TNIK: variants seen among roughly 807,000 people sequenced by gnomAD.
TNIK encodes the protein TRAF2 and NCK-interacting protein kinase.
A neutral mutation model predicts 191.3 loss-of-function variants in TNIK; 49 were observed. The ratio of observed to expected loss-of-function variants is 0.26; its 90% CI spans 0.20 to 0.32. TNIK has a LOEUF of 0.32. Among genes scored for constraint, TNIK ranks in the 10% least tolerant of loss-of-function variants. The probability of loss-of-function intolerance (pLI) is 1.00; values close to 1 mark genes in which losing one functional copy is unlikely to be tolerated. For missense variants in TNIK, 1,155 were observed against 1,702.3 expected (o/e 0.68, Z 5.66); for synonymous variants, 594 against 600.9 (o/e 0.99, Z 0.17).
chr3:171,103,221 A>G (rs956456720), intron 21 of TNIK, among the ~76,000 whole-genome samples: 2 of 152,098 alleles, frequency 1.3e-5, no homozygotes, highest in African/African-American at 2.4e-5. Context: ...CACATGCCTC[A>G]ATCTCGGTGA....
intron 18 of TNIK, among the ~76,000 whole-genome samples, chr3:171,112,982 G>T (rs1726079655): frequency 6.6e-6 from 1 of 152,168 alleles, no homozygotes. Context: ...TGGGGTGTGT[G>T]CATGTGTGTG....
At chr3:171,267,079 C>T (rs1177456311) in intron 2 of TNIK, among the ~76,000 whole-genome samples, 2 of 152,174 alleles carry the variant, frequency 1.3e-5, no homozygotes, top group Non-Finnish European at 2.9e-5. Context: ...TCTTAGGATG[C>T]ATTTAACTTT....
chr3:171,255,516 T>G (rs999419508), intron 2 of TNIK, among the ~76,000 whole-genome samples: 1 of 152,208 alleles, frequency 6.6e-6, no homozygotes, highest in Non-Finnish European at 1.5e-5. Flanking sequence ...ATCAACAGAT[T>G]TTAAAGCATC....
chr3:171,078,320 C>G (rs1052887334), intron 28 of TNIK, among the ~76,000 whole-genome samples: 2 of 152,032 alleles, frequency 1.3e-5, no homozygotes, highest in African/African-American at 2.4e-5. Context: ...TTGGACTGAT[C>G]TTTTTATTTT....
In TNIK at chr3:171,389,838, C is replaced by T. The variant is rs146149396; in HGVS notation, c.58-20153G>A. ...AGCAGAGAGCATCAAGACATAAAAGCCGTTCATTATTGAAACTTTACAACA... is the reference window on the plus strand; with the variant it reads ...AGCAGAGAGCATCAAGACATAAAAGTCGTTCATTATTGAAACTTTACAACA... On this transcript the variant is annotated intron_variant, in intron 1 of 32. Transcript: ENST00000436636. Among the ~76,000 whole-genome samples, 490 of 152,288 alleles carry T rather than the reference C, an allele frequency of 3.2e-3. 4 individuals are homozygous for T. Among genetic ancestry groups the T allele is most frequent in the African/African-American group, 0.011 (470 of 41,556 alleles).
intron 1 of TNIK, among the ~76,000 whole-genome samples, chr3:171,370,510 AC>A (rs1223480205): frequency 6.6e-6 from 1 of 152,224 alleles, no homozygotes; most frequent in East Asian, 1.9e-4. Context: ...GCAGAAATTG[AC>A]TTTCACCCCT....
intron 23 of TNIK, 110 bp from the exon 24 acceptor site, chr3:171,087,616 G>T: frequency 1.8e-6 from 2 of 1,135,992 alleles, no homozygotes; most frequent in Non-Finnish European, 1.3e-6. Context: ...AACCCACTAG[G>T]GCATGAGAAG....
chr3:171,363,141 G>C (rs1344366054), intron 2 of TNIK, among the ~76,000 whole-genome samples: 2 of 152,104 alleles, frequency 1.3e-5, no homozygotes, highest in African/African-American at 2.4e-5. Flanking sequence ...ATGAGGCCAG[G>C]GAGGCTGCTA....
chr3:171,211,337 C>A, intron 3 of TNIK, 96 bp from the exon 4 acceptor site: 3 of 1,386,708 alleles, frequency 2.2e-6, no homozygotes, highest in Non-Finnish European at 2.9e-6. Flanking sequence ...CTTGTTTTTT[C>A]TTCCTTGTTG....
At chr3:171,455,492 C>T (rs7651484) in intron 1 of TNIK, among the ~76,000 whole-genome samples, 43,112 of 140,580 alleles carry the variant, frequency 0.31, 6,255 homozygotes, top group African/African-American at 0.37. Context: ...CCTCCCACTT[C>T]GGCCTCCCGA....
chr3:171,066,556 AT>A lies in TNIK; in HGVS notation c.3859+19del. ...TTGGGGGGTGTAACTGCTGAAGGAG[AT>A]AAGGAATGGTTAACCTACCCACAGA... On this transcript the variant is annotated intron_variant, in intron 31 of 32. Transcript: ENST00000436636. The A allele has an allele frequency of 6.2e-7, 1 of 1,610,060 alleles. No homozygotes were observed. The highest frequency in any genetic ancestry group is 2.2e-5 in the East Asian group (1 of 44,706).
chr3:171,278,732 C>T (rs1286709533), intron 2 of TNIK, among the ~76,000 whole-genome samples: 1 of 151,204 alleles, frequency 6.6e-6, no homozygotes, highest in Admixed American at 6.6e-5. Flanking sequence ...TAATATCAAA[C>T]AATCATACCT....
intron 12 of TNIK, among the ~76,000 whole-genome samples, chr3:171,143,550 T>C (rs565438038): frequency 6.6e-6 from 1 of 152,340 alleles, no homozygotes; most frequent in East Asian, 1.9e-4. Context: ...CAGTATCCTC[T>C]TAAATTTCTT....
chr3:171,156,496 G>A (rs536471776), intron 12 of TNIK, among the ~76,000 whole-genome samples: 7 of 152,342 alleles, frequency 4.6e-5, no homozygotes, highest in Middle Eastern at 3.4e-3. Flanking sequence ...TCCCATTACC[G>A]TGCAGTTAGT....
chr3:171,386,840 C>A lies in TNIK; in HGVS notation c.58-17155G>T, dbSNP rs180902800. Among the ~76,000 whole-genome samples the A allele has an allele frequency of 5.3e-5, 8 of 152,282 alleles. No individual in the cohort carries two copies. In the East Asian group the frequency reaches 1.5e-3, roughly 29 times the overall value. ...GTGTTCTCTGCTAAAGGTGGTGTTC[C>A]AGGACCTCTGTTGAAAAACTTTGCC... On this transcript the variant is annotated intron_variant, in intron 1 of 32. Coordinates refer to ENST00000436636, the MANE Select transcript of TNIK (RefSeq NM_015028.4).
chr3:171,179,743 C>G (rs1736423112), intron 7 of TNIK, among the ~76,000 whole-genome samples: 1 of 152,202 alleles, frequency 6.6e-6, no homozygotes, highest in South Asian at 2.1e-4. Flanking sequence ...AGCCACCGTG[C>G]CCGGCCTGTA....
chr3:171,109,401 A>G (rs968534659), intron 19 of TNIK, among the ~76,000 whole-genome samples: 11 of 152,278 alleles, frequency 7.2e-5, no homozygotes, highest in African/African-American at 1.2e-4. Context: ...GAGATGTGCC[A>G]CTAATCAGAA....
At chr3:171,408,190 T>C (rs1177924851) in intron 1 of TNIK, among the ~76,000 whole-genome samples, 1 of 152,240 alleles carries the variant, frequency 6.6e-6, no homozygotes, top group East Asian at 1.9e-4. Context: ...GTATAGATTC[T>C]ATGTCTTTAT....
chr3:171,185,480 C>T (rs551864289), intron 7 of TNIK, among the ~76,000 whole-genome samples: 2 of 152,238 alleles, frequency 1.3e-5, no homozygotes, highest in African/African-American at 2.4e-5. Context: ...CATTATTGCC[C>T]CACATACTTA....
Sources: gnomAD v4.1 joint callset for allele counts (sites outside exome capture counted in the v4.1 genomes callset) on GRCh38, gnomAD v4.1.1 for gene constraint, MANE v1.5 for transcripts, NCBI Gene and HGNC (gene_info 2026-07-23, HGNC 2026-07-21) for gene names.